The following WWTR1 variants were observed in gnomAD, a reference collection of about 807,000 sequenced individuals.
WWTR1 encodes the protein WW domain containing transcription regulator 1, also known as WW domain-containing transcription regulator protein 1.
WWTR1 carries 13 observed loss-of-function variants against 40.1 expected under a neutral mutation model. That is an observed-to-expected ratio of 0.32 (90% CI 0.21 to 0.52). The LOEUF (loss-of-function observed/expected upper bound fraction) is 0.52, where lower values mean the gene tolerates loss of function less well. WWTR1 is among the 20% of genes least tolerant of loss of function. WWTR1 has a pLI of 0.97. For synonymous variants in WWTR1, 230 were observed against 210.1 expected (o/e 1.09, Z -0.82); for missense variants, 436 against 523.1 (o/e 0.83, Z 1.63).
At chr3:149,650,766 C>T (rs1156647239) in intron 2 of WWTR1, among the ~76,000 whole-genome samples, 1 of 152,198 alleles carries the variant, frequency 6.6e-6, no homozygotes, top group Non-Finnish European at 1.5e-5. Context: ...GCCCAAAATG[C>T]TGAAGCAAAA....
chr3:149,576,789 G>T (rs1217048605), intron 2 of WWTR1, among the ~76,000 whole-genome samples: 1 of 151,902 alleles, frequency 6.6e-6, no homozygotes, highest in Non-Finnish European at 1.5e-5. Context: ...GTACTTTCCA[G>T]ATTTTTAGCA....
At chr3:149,677,697 C>T (rs1006439020) in intron 1 of WWTR1, among the ~76,000 whole-genome samples, 2 of 152,022 alleles carry the variant, frequency 1.3e-5, no homozygotes, top group Non-Finnish European at 2.9e-5. Flanking sequence ...AAAATCAACG[C>T]GGTGTCGTGA....
intron 2 of WWTR1, among the ~76,000 whole-genome samples, chr3:149,611,181 A>C (rs73155020): frequency 3.3e-5 from 5 of 152,176 alleles, no homozygotes; most frequent in African/African-American, 1.2e-4. Flanking sequence ...AAGTTTTTAA[A>C]AACTTTTTTT....
upstream of WWTR1, among the ~76,000 whole-genome samples, chr3:149,704,594 G>A (rs1251246560): frequency 6.6e-6 from 1 of 152,128 alleles, no homozygotes; most frequent in Non-Finnish European, 1.5e-5. Context: ...CCAGCATAAG[G>A]AACCATTCTA....
chr3:149,618,007 C>G (rs1228847710), intron 2 of WWTR1, among the ~76,000 whole-genome samples: 1 of 152,114 alleles, frequency 6.6e-6, no homozygotes, highest in Non-Finnish European at 1.5e-5. Context: ...AGTAGATATA[C>G]AAATGATAGA....
At chr3:149,563,761 C>T (rs957930831) in intron 3 of WWTR1, among the ~76,000 whole-genome samples, 2 of 152,002 alleles carry the variant, frequency 1.3e-5, no homozygotes, top group Non-Finnish European at 2.9e-5. Context: ...TTTTGTTTTG[C>T]TTTGCTTTGA....
intron 2 of WWTR1, among the ~76,000 whole-genome samples, chr3:149,596,711 C>T (rs914323679): frequency 4.6e-5 from 7 of 152,156 alleles, no homozygotes; most frequent in East Asian, 1.9e-4. Context: ...TGCGCAATGG[C>T]GAATCTTGTT....
intron 4 of WWTR1, among the ~76,000 whole-genome samples, chr3:149,541,993 G>C (rs1426033012): frequency 6.6e-6 from 1 of 152,184 alleles, no homozygotes; most frequent in Non-Finnish European, 1.5e-5. Context: ...GCGATATAAT[G>C]AAATGGCTAT....
At chr3:149,652,577 T>C (rs1048369849) in intron 2 of WWTR1, among the ~76,000 whole-genome samples, 1 of 121,078 alleles carries the variant, frequency 8.3e-6, no homozygotes, top group South Asian at 2.7e-4. Context: ...GAGCTATGAT[T>C]CCCACTGCAC....
chr3:149,557,291 C>T (rs1736874049), intron 3 of WWTR1, among the ~76,000 whole-genome samples: 1 of 151,970 alleles, frequency 6.6e-6, no homozygotes, highest in African/African-American at 2.4e-5. Context: ...AGGCTGATCT[C>T]GAACGCCTGA....
intron 4 of WWTR1, among the ~76,000 whole-genome samples, chr3:149,539,927 C>A (rs930799227): frequency 1.3e-5 from 2 of 152,114 alleles, no homozygotes; most frequent in African/African-American, 4.8e-5. Context: ...TAAATCATAT[C>A]TTTGACAATC....
intron 1 of WWTR1, among the ~76,000 whole-genome samples, chr3:149,701,406 G>T (rs1715166157): frequency 6.6e-6 from 1 of 152,046 alleles, no homozygotes; most frequent in African/African-American, 2.4e-5. Flanking sequence ...CACCTCACGT[G>T]CCCCTGAGCC....
chr3:149,562,656 G>A (rs1737139657), intron 3 of WWTR1, among the ~76,000 whole-genome samples: 1 of 147,750 alleles, frequency 6.8e-6, no homozygotes, highest in Non-Finnish European at 1.5e-5. Flanking sequence ...CAAAGGGGGA[G>A]GGGTGATCTT....
chr3:149,662,245 A>G (rs1263340922), upstream of WWTR1, among the ~76,000 whole-genome samples: 2 of 152,070 alleles, frequency 1.3e-5, no homozygotes, highest in South Asian at 2.1e-4. Flanking sequence ...CATTCTCCAG[A>G]CTGCATCCTG....
At chr3:149,574,642 C>T (rs1737796460) in intron 2 of WWTR1, among the ~76,000 whole-genome samples, 1 of 152,124 alleles carries the variant, frequency 6.6e-6, no homozygotes, top group African/African-American at 2.4e-5. Context: ...GTTTTCTTTT[C>T]AGTCTGTCTC....
At chr3:149,693,599 A>T (rs1714890147) in intron 1 of WWTR1, among the ~76,000 whole-genome samples, 1 of 152,240 alleles carries the variant, frequency 6.6e-6, no homozygotes, top group Non-Finnish European at 1.5e-5. Context: ...AGCTATAGTA[A>T]CTGAAACAGC....
intron 2 of WWTR1, among the ~76,000 whole-genome samples, chr3:149,616,015 G>A (rs1739953852): frequency 1.3e-5 from 2 of 152,168 alleles, no homozygotes; most frequent in Non-Finnish European, 2.9e-5. Context: ...CTGACTGAAA[G>A]AGGAAACGTC....
intron 1 of WWTR1, among the ~76,000 whole-genome samples, chr3:149,692,015 CA>C (rs775350843): frequency 2.0e-4 from 29 of 143,920 alleles, no homozygotes; most frequent in Middle Eastern, 3.7e-3. Flanking sequence ...GACTCCGTCT[CA>C]AAAAAAAAAA....
At chr3:149,649,888 G>C (rs1048257653) in intron 2 of WWTR1, 6 of 138,302 alleles carry the variant, frequency 4.3e-5, no homozygotes, top group Non-Finnish European at 9.0e-5. Flanking sequence ...TTGCACTCCA[G>C]CCTAGGCGAC....
Sources: gnomAD v4.1 joint callset for allele counts (sites outside exome capture counted in the v4.1 genomes callset) on GRCh38, gnomAD v4.1.1 for gene constraint, MANE v1.5 for transcripts, NCBI Gene and HGNC (gene_info 2026-07-23, HGNC 2026-07-21) for gene names.